The following PPARA variants were observed in gnomAD, a reference collection of about 807,000 sequenced individuals.
PPARA encodes the protein peroxisome proliferator-activated receptor alpha.
A neutral mutation model predicts 42.2 loss-of-function variants in PPARA; 22 were observed. That is an observed-to-expected ratio of 0.52 (90% CI 0.37 to 0.74). The LOEUF (loss-of-function observed/expected upper bound fraction) is 0.74, where lower values mean the gene tolerates loss of function less well. Among genes scored for constraint, PPARA ranks in the 30% least tolerant of loss-of-function variants. PPARA has a pLI of 0.00. For missense variants in PPARA, 465 were observed against 608.2 expected (o/e 0.76, Z 2.48); for synonymous variants, 242 against 239.3 (o/e 1.01, Z -0.10).
chr22:46,201,624 G>C (rs1932843254), intron 4 of PPARA, among the ~76,000 whole-genome samples: 1 of 152,146 alleles, frequency 6.6e-6, no homozygotes, highest in African/African-American at 2.4e-5. Flanking sequence ...GAGCACTGCA[G>C]GCTGCCCACA....
Position 46,192,364 on chromosome 22 carries a change from G to C in PPARA, c.-42-5978G>C, listed in dbSNP as rs1461518488. 6.6e-6 allele frequency among the ~76,000 whole-genome samples: 1 copy of C among 152,192 alleles called. No individual in the cohort carries two copies. The highest frequency in any genetic ancestry group is 1.5e-5 in the Non-Finnish European group (1 of 68,034). On this transcript the variant is annotated intron_variant, in intron 3 of 8. Transcript: ENST00000407236. This position sits in a 1 kb window ranked among gnomAD's most constrained non-coding sequence, Gnocchi z 4.3. ...CAAACAGTCACGCATCTAAGAGCAG[G>C]TGATGCAGAAAATACCCTCGTGTTA...
In PPARA at chr22:46,150,746, G is replaced by C. The variant is rs920740645; in HGVS notation, c.-210+94G>C. ...CCCGGGACCCGGAGGGCGGCGGACG[G>C]GGGAGGGGCAGGGGCTGGGCGGCGC... On this transcript the variant is annotated intron_variant, in intron 1 of 8. Coordinates refer to ENST00000407236, the MANE Select transcript of PPARA (RefSeq NM_005036.6). The surrounding 1 kb of genome is among the most constrained non-coding windows in gnomAD (Gnocchi z 7.5). 11 of 150,732 alleles carry C rather than the reference G, an allele frequency of 7.3e-5. No individual in the cohort carries two copies. The highest frequency in any genetic ancestry group is 2.4e-4 in the African/African-American group (10 of 41,166). 9.3% of individuals were successfully genotyped at this position (150,732 alleles called of 1,614,324 possible). A position where few individuals can be genotyped will look rare whatever the true frequency, so the allele number is the denominator to read the frequency against.
Position 46,165,948 on chromosome 22 carries a change from T to A in PPARA, c.-126-10805T>A, listed in dbSNP as rs369210310. Among the ~76,000 whole-genome samples, 77 of 152,240 alleles carry A rather than the reference T, an allele frequency of 5.1e-4. No individual in the cohort carries two copies. The highest frequency in any genetic ancestry group is 1.8e-3 in the African/African-American group (76 of 41,536). ...GGGAGGCCAAGGCGGGTGAATTGCT[T>A]GAGTCTGGGAGTTGGAGACCGGCCT... On this transcript the variant is annotated intron_variant, in intron 2 of 8. Transcript: ENST00000407236. The surrounding 1 kb of genome is among the most constrained non-coding windows in gnomAD (Gnocchi z 5.5).
chr22:46,185,964 TACAC>T (rs55691428), intron 3 of PPARA, among the ~76,000 whole-genome samples: 7 of 25,922 alleles, frequency 2.7e-4, no homozygotes, highest in African/African-American at 7.6e-4. Flanking sequence ...TATATATATA[TACAC>T]ACACACTAAC....
intron 2 of PPARA, among the ~76,000 whole-genome samples, chr22:46,168,680 T>C (rs1055033415): frequency 6.6e-6 from 1 of 151,902 alleles, no homozygotes; most frequent in African/African-American, 2.4e-5. Flanking sequence ...TCATGTGCCT[T>C]TCCCTCATTA....
At position 46,230,648 on chromosome 22, in the gene PPARA, A is replaced by C. The variant is rs1935803287; in HGVS notation, c.712-1144A>C. Among the ~76,000 whole-genome samples the C allele has an allele frequency of 6.6e-6, 1 of 152,218 alleles. No individual in the cohort carries two copies. The highest frequency in any genetic ancestry group is 1.5e-5 in the Non-Finnish European group (1 of 68,028). ...ATGGCAGGCCACTGGGTTTACATGC[A>C]GATGGCATGGGAGCACACAAGGCAC... is the stretch of plus-strand genomic sequence containing the variant. On this transcript the variant is annotated intron_variant, in intron 7 of 8. Transcript: ENST00000407236. This position sits in a 1 kb window ranked among gnomAD's most constrained non-coding sequence, Gnocchi z 5.0.
chr22:46,199,648 A>T (rs1932763593), intron 4 of PPARA, among the ~76,000 whole-genome samples: 1 of 152,124 alleles, frequency 6.6e-6, no homozygotes, highest in East Asian at 1.9e-4. Flanking sequence ...TTTAAAAAAA[A>T]ATTTTTTTAA....
At chr22:46,218,132 G>A in intron 5 of PPARA, 131 bp from the exon 6 acceptor site, 1 of 1,263,286 alleles carries the variant, frequency 7.9e-7, no homozygotes, top group Non-Finnish European at 1.1e-6. Flanking sequence ...GCCTGGCCTG[G>A]AATAACTTTT....
rs939471341 is a variant in PPARA, at chr22:46,191,157, G to T, written c.-42-7185G>T. Among the ~76,000 whole-genome samples the T allele has an allele frequency of 6.6e-6, 1 of 152,140 alleles. No homozygotes were observed. The highest frequency in any genetic ancestry group is 1.5e-5 in the Non-Finnish European group (1 of 68,020). ...TGCAGTGAGCCGAGATTGCACAACT[G>T]CACTCCAGCCTGGGTGACAGAGTGA... is the stretch of plus-strand genomic sequence containing the variant. On this transcript the variant is annotated intron_variant, in intron 3 of 8. Coordinates refer to ENST00000407236, the MANE Select transcript of PPARA (RefSeq NM_005036.6). The surrounding 1 kb of genome is among the most constrained non-coding windows in gnomAD (Gnocchi z 4.6).
At position 46,162,390 on chromosome 22, in the gene PPARA, G is replaced by A. The variant is rs1926325263; in HGVS notation, c.-127+10420G>A. Among the ~76,000 whole-genome samples the A allele has an allele frequency of 6.6e-6, 1 of 152,136 alleles. No individual in the cohort carries two copies. The highest frequency in any genetic ancestry group is 2.1e-4 in the South Asian group (1 of 4,820). On this transcript the variant is annotated intron_variant, in intron 2 of 8. Transcript: ENST00000407236. The surrounding 1 kb of genome is among the most constrained non-coding windows in gnomAD (Gnocchi z 6.0). ...ACAAACCCCTTCTGGTTCTTCTCGT[G>A]CACTGGGCGTGCCGGAGACACACTC...
At position 46,165,869 on chromosome 22, in the gene PPARA, A is replaced by T. The variant is rs899595737; in HGVS notation, c.-126-10884A>T. ...CCCTTTGCACAGTTCCCTTATGCAT[A>T]AATTTCAGTCAGTGGCCAGCTGCAG... On this transcript the variant is annotated intron_variant, in intron 2 of 8. Coordinates refer to ENST00000407236, the MANE Select transcript of PPARA (RefSeq NM_005036.6). This position sits in a 1 kb window ranked among gnomAD's most constrained non-coding sequence, Gnocchi z 5.5. Among the ~76,000 whole-genome samples the T allele has an allele frequency of 6.6e-6, 1 of 152,226 alleles. No homozygotes were observed. Among genetic ancestry groups the T allele is most frequent in the African/African-American group, 2.4e-5 (1 of 41,456 alleles).
chr22:46,151,722 G>A lies in PPARA; in HGVS notation c.-209-166G>A, dbSNP rs1271178413. ...GCCTCCTTGGGATAAGGGTGCCTTG[G>A]GGAACTGGGTCAGGGCAAGGACACG... On this transcript the variant is annotated intron_variant, in intron 1 of 8. Transcript: ENST00000407236. Among the ~76,000 whole-genome samples, 10 of 152,330 alleles carry A rather than the reference G, an allele frequency of 6.6e-5. No individual in the cohort carries two copies. In the South Asian group the frequency reaches 1.9e-3, roughly 28 times the overall value.
Position 46,179,722 on chromosome 22 carries a change from C to T in PPARA, c.-43+2886C>T, listed in dbSNP as rs9626742. On this transcript the variant is annotated intron_variant, in intron 3 of 8. Coordinates refer to ENST00000407236, the MANE Select transcript of PPARA (RefSeq NM_005036.6). ...AGAAAAAAATCAATAAATTGAACTT[C>T]ATCAAAATGAAACTTTTACTGTTCA... Among the ~76,000 whole-genome samples, 1,065 of 151,778 alleles carry T rather than the reference C, an allele frequency of 7.0e-3. 12 individuals carry two copies. Among genetic ancestry groups the T allele is most frequent in the African/African-American group, 0.024 (1,002 of 41,378 alleles).
At position 46,232,003 on chromosome 22, in the gene PPARA, TG is replaced by T; in HGVS notation, c.924del (p.Leu308PhefsTer2). ...ANLDLNDQVT[L>X]LKYGVYEAIF... The stretch of plus-strand genomic sequence containing the variant: ...TTGGACCTGAACGATCAAGTGACAT[TG>T]CTAAAATACGGAGTTTATGAGGCCA... On this transcript the variant is annotated frameshift_variant, in exon 8 of 9. Transcript: ENST00000407236. LOFTEE classifies it high-confidence loss of function. This position sits in a 1 kb window ranked among gnomAD's most constrained non-coding sequence, Gnocchi z 5.3. 1 of 1,614,232 alleles carries T rather than the reference TG, an allele frequency of 6.2e-7. No individual in the cohort carries two copies. The highest frequency in any genetic ancestry group is 8.5e-7 in the Non-Finnish European group (1 of 1,180,038).
chr22:46,185,917 ATATATATAT>A (rs1471543775), intron 3 of PPARA, among the ~76,000 whole-genome samples: 228 of 10,094 alleles, frequency 0.023, 25 homozygotes, highest in African/African-American at 0.068. Context: ...AAAAAAAAAA[ATATATATAT>A]ATATATATAT....
rs1935760573 is a variant in PPARA, at chr22:46,230,070, T to C, written c.712-1722T>C. ...GCTTTGGGCTCCACTGTTCCAGCAGTGATTAGAAATAACGCTGTAGGCCGG... is the reference window on the plus strand; with the variant it reads ...GCTTTGGGCTCCACTGTTCCAGCAGCGATTAGAAATAACGCTGTAGGCCGG... On this transcript the variant is annotated intron_variant, in intron 7 of 8. Transcript: ENST00000407236. This position sits in a 1 kb window ranked among gnomAD's most constrained non-coding sequence, Gnocchi z 5.0. 1.3e-5 allele frequency among the ~76,000 whole-genome samples: 2 copies of C among 152,282 alleles called. No homozygotes were observed. The highest frequency in any genetic ancestry group is 2.4e-5 in the African/African-American group (1 of 41,558).
In PPARA at chr22:46,156,133, A is replaced by C. The variant is rs1925264781; in HGVS notation, c.-127+4163A>C. Reference sequence around the variant, plus strand: ...GGTTTTGAGGCTCACATATGGTAAAAGTGGTTGGAAATCTGGAAATATTGC... The same window carrying C: ...GGTTTTGAGGCTCACATATGGTAAACGTGGTTGGAAATCTGGAAATATTGC... On this transcript the variant is annotated intron_variant, in intron 2 of 8. Transcript: ENST00000407236. The surrounding 1 kb of genome is among the most constrained non-coding windows in gnomAD (Gnocchi z 5.2). 2 of 152,264 alleles carry C rather than the reference A, an allele frequency of 1.3e-5. No homozygotes were observed. Among genetic ancestry groups the C allele is most frequent in the African/African-American group, 2.4e-5 (1 of 41,468 alleles). 9.4% of individuals were successfully genotyped at this position (152,264 alleles called of 1,614,324 possible). A position where few individuals can be genotyped will look rare whatever the true frequency, so the allele number is the denominator to read the frequency against.
At chr22:46,154,236 A>G (rs1407483986) in intron 2 of PPARA, among the ~76,000 whole-genome samples, 1 of 152,172 alleles carries the variant, frequency 6.6e-6, no homozygotes, top group African/African-American at 2.4e-5. Flanking sequence ...TGAAGAACCT[A>G]TTTTTGCCGG....
chr22:46,217,200 G>A (rs1934570839), intron 5 of PPARA, among the ~76,000 whole-genome samples: 1 of 151,976 alleles, frequency 6.6e-6, no homozygotes, highest in Admixed American at 6.6e-5. Context: ...TTATGAAGAC[G>A]TCAGCCTGCC....
Sources: gnomAD v4.1 joint callset for allele counts (sites outside exome capture counted in the v4.1 genomes callset) on GRCh38, gnomAD v4.1.1 for gene constraint, Gnocchi (gnomAD v3.1) non-coding constraint, MANE v1.5 for transcripts, NCBI Gene and HGNC (gene_info 2026-07-23, HGNC 2026-07-21) for gene names.